Variants in STPG2 observed in about 807,000 individuals in gnomAD.
STPG2 encodes sperm tail PG-rich repeat containing 2, also known as sperm-tail PG-rich repeat-containing protein 2.
Under a neutral mutation model 54.2 loss-of-function variants are expected in STPG2, and 56 were observed. That is an observed-to-expected ratio of 1.03 (90% CI 0.83 to 1.29). The LOEUF is 1.29. STPG2 is among the 50% of genes most tolerant of loss of function. The pLI is 0.00. For synonymous variants in STPG2, 200 were observed against 181.8 expected (o/e 1.10, Z -0.81); for missense variants, 596 against 544.9 (o/e 1.09, Z -0.93).
chr4:97,768,166 C>T, intron 9 of STPG2, among the ~76,000 whole-genome samples: 1 of 127,006 alleles, frequency 7.9e-6, no homozygotes, highest in South Asian at 2.5e-4. Context: ...GACTCCGTCT[C>T]AAAAAAAAAA....
At chr4:97,993,740 T>C (rs1180770822) in intron 5 of STPG2, among the ~76,000 whole-genome samples, 2 of 152,170 alleles carry the variant, frequency 1.3e-5, no homozygotes, top group African/African-American at 4.8e-5. Context: ...TGGTAGCTTT[T>C]TAATTACCAT....
chr4:97,652,150 T>C (rs1722089048), intron 10 of STPG2, among the ~76,000 whole-genome samples: 1 of 151,892 alleles, frequency 6.6e-6, no homozygotes, highest in Admixed American at 6.6e-5. Flanking sequence ...ACATCACTTA[T>C]GATAAAAGTT....
At chr4:97,593,851 G>A (rs1733210575) in intron 10 of STPG2, among the ~76,000 whole-genome samples, 1 of 151,282 alleles carries the variant, frequency 6.6e-6, no homozygotes. Flanking sequence ...CAGGGGCTAG[G>A]TAACCGCCCC....
intron 8 of STPG2, among the ~76,000 whole-genome samples, chr4:97,892,324 G>A (rs763024721): frequency 1.8e-4 from 28 of 152,102 alleles, no homozygotes; most frequent in Non-Finnish European, 3.8e-4. Flanking sequence ...GAAGCCCTGT[G>A]AGCTCCTTTC....
At chr4:98,025,504 TA>T (rs1254728235) in intron 5 of STPG2, 2 of 608,002 alleles carry the variant, frequency 3.3e-6, no homozygotes, top group South Asian at 1.5e-5. Flanking sequence ...TGATACAGGA[TA>T]AAAATAAATA....
At chr4:98,107,767 AAG>A (rs1739228560) in intron 4 of STPG2, among the ~76,000 whole-genome samples, 1 of 131,670 alleles carries the variant, frequency 7.6e-6, no homozygotes, top group African/African-American at 2.9e-5. Flanking sequence ...GAAGAGGGGA[AAG>A]AGAGACGGTG....
intron 5 of STPG2, among the ~76,000 whole-genome samples, chr4:98,042,701 T>C (rs1354943978): frequency 7.1e-6 from 1 of 141,790 alleles, no homozygotes; most frequent in Non-Finnish European, 1.6e-5. Context: ...CAAAAATTTA[T>C]TGAAACTTCT....
chr4:97,690,177 CT>C (rs1723321933), intron 10 of STPG2, among the ~76,000 whole-genome samples: 1 of 151,934 alleles, frequency 6.6e-6, no homozygotes, highest in Non-Finnish European at 1.5e-5. Flanking sequence ...CTGTCATCAC[CT>C]TTTTTCTCAG....
intron 4 of STPG2, among the ~76,000 whole-genome samples, chr4:97,450,376 G>A (rs973046310): frequency 4.0e-5 from 6 of 151,852 alleles, no homozygotes; most frequent in Non-Finnish European, 7.4e-5. Flanking sequence ...ATAATCCCAG[G>A]TCTCACAAAA....
At chr4:97,815,601 G>A (rs1480645394) in intron 9 of STPG2, among the ~76,000 whole-genome samples, 3 of 152,008 alleles carry the variant, frequency 2.0e-5, no homozygotes, top group African/African-American at 7.3e-5. Context: ...TTTAAGTATT[G>A]TTAATTTTAC....
intron 9 of STPG2, among the ~76,000 whole-genome samples, chr4:97,782,130 G>T (rs1726649853): frequency 1.3e-5 from 2 of 152,238 alleles, no homozygotes; most frequent in Admixed American, 1.3e-4. Context: ...TAGGAAAAGA[G>T]GAAGTCAAAT....
chr4:98,020,617 G>A (rs1736147955), intron 5 of STPG2, among the ~76,000 whole-genome samples: 1 of 152,112 alleles, frequency 6.6e-6, no homozygotes, highest in Non-Finnish European at 1.5e-5. Flanking sequence ...TTGTACCTCT[G>A]GTAGAACTCG....
At chr4:97,518,529 A>G (rs1005105803) in intron 4 of STPG2, among the ~76,000 whole-genome samples, 2 of 152,168 alleles carry the variant, frequency 1.3e-5, no homozygotes, top group Non-Finnish European at 2.9e-5. Flanking sequence ...AGTATATAAT[A>G]TGGGAAAAAT....
At chr4:97,845,999 GCAGCCTGAACTTCTGAACCTGAACCT>G (rs1728938437) in intron 8 of STPG2, among the ~76,000 whole-genome samples, 1 of 152,180 alleles carries the variant, frequency 6.6e-6, no homozygotes, top group Non-Finnish European at 1.5e-5. Context: ...CTGAGAGAAG[GCAGCCTGAACTTCTGAACCTGAACCT>G]CAGCCTGAAC....
chr4:97,716,333 C>A (rs187032939), intron 9 of STPG2, among the ~76,000 whole-genome samples: 2 of 152,210 alleles, frequency 1.3e-5, no homozygotes, highest in African/African-American at 2.4e-5. Context: ...TTTGACCCAG[C>A]AATCCCATTA....
Position 97,981,279 on chromosome 4 carries a change from T to G in STPG2, c.652A>C (p.Thr218Pro). ...PMKSITPAPGTYNEPRTALKS... is the reference protein window; with the variant it reads ...PMKSITPAPGPYNEPRTALKS... ...AGAGCAGTTCGAGGTTCATTATATG[T>G]GCCAGGAGCCGGGGTGATTGATTTC... Residue 218 changes from threonine (T) to proline (P), a missense_variant, in exon 6 of 11, where the codon ACA becomes CCA. By Grantham distance (38) the Thr-to-Pro change is conservative (BLOSUM62 -1). Transcript: ENST00000295268. 6.2e-7 allele frequency: 1 copy of G among 1,614,074 alleles called. No individual in the cohort carries two copies. Among genetic ancestry groups the G allele is most frequent in the African/African-American group, 1.3e-5 (1 of 75,054 alleles).
chr4:98,129,409 GAA>G (rs1739920197), intron 2 of STPG2, among the ~76,000 whole-genome samples: 1 of 152,068 alleles, frequency 6.6e-6, no homozygotes, highest in Non-Finnish European at 1.5e-5. Flanking sequence ...TATATAGCAG[GAA>G]AATATCTATG....
At chr4:97,825,387 C>A (rs951993840) in intron 9 of STPG2, among the ~76,000 whole-genome samples, 2 of 152,082 alleles carry the variant, frequency 1.3e-5, no homozygotes, top group Admixed American at 6.6e-5. Context: ...AAATACTAAG[C>A]TCTGCACATT....
chr4:97,815,951 T>C (rs537148268), intron 9 of STPG2, among the ~76,000 whole-genome samples: 2 of 152,268 alleles, frequency 1.3e-5, no homozygotes, highest in South Asian at 4.1e-4. Context: ...TACATAAGTA[T>C]ACATGTGCCA....
Sources: gnomAD v4.1 joint callset for allele counts (sites outside exome capture counted in the v4.1 genomes callset) on GRCh38, gnomAD v4.1.1 for gene constraint, MANE v1.5 for transcripts, NCBI Gene and HGNC (gene_info 2026-07-23, HGNC 2026-07-21) for gene names.